Variants in CPNE4 observed in about 807,000 individuals in gnomAD.
CPNE4 encodes copine 4, also known as copine-4.
In CPNE4, 25 loss-of-function variants were observed where a neutral mutation model predicts 67.9. That is an observed-to-expected ratio of 0.37 (90% CI 0.27 to 0.51). The LOEUF (loss-of-function observed/expected upper bound fraction) is 0.51. Among genes scored for constraint, CPNE4 ranks in the 20% least tolerant of loss-of-function variants. The probability of loss-of-function intolerance (pLI) is 0.93; values close to 1 mark genes in which losing one functional copy is unlikely to be tolerated. For missense variants in CPNE4, 464 were observed against 690.8 expected, an observed-to-expected ratio of 0.67 and a Z score of 3.68; for synonymous variants, 242 against 244.9, an observed-to-expected ratio of 0.99 and a Z score of 0.11.
rs567005693 is a variant in CPNE4, at chr3:131,999,115, C to T, written c.-2+35452G>A. The stretch of plus-strand genomic sequence containing the variant: ...ATTTCATACACAGAAAATAGCATTC[C>T]GGACAAAAGAAAGAACTAGTGCAGA... On this transcript the variant is annotated intron_variant, in intron 1 of 15. Transcript: ENST00000429747. 1.5e-4 allele frequency among the ~76,000 whole-genome samples: 22 copies of T among 151,558 alleles called. No individual in the cohort carries two copies. The South Asian group carries it at 3.8e-3, about 26-fold the overall frequency.
chr3:132,031,328 G>A (rs1487915844), intron 1 of CPNE4, among the ~76,000 whole-genome samples: 1 of 152,076 alleles, frequency 6.6e-6, no homozygotes, highest in Non-Finnish European at 1.5e-5. Context: ...AAAGGTTTTT[G>A]TTTTTCTTTT....
chr3:132,033,860 G>C (rs1038976915), intron 1 of CPNE4, among the ~76,000 whole-genome samples: 2 of 152,124 alleles, frequency 1.3e-5, no homozygotes, highest in African/African-American at 2.4e-5. Context: ...GATACCACGC[G>C]GGGTCGTGAT....
chr3:131,695,348 G>A (rs538414411), intron 5 of CPNE4, among the ~76,000 whole-genome samples: 3 of 152,292 alleles, frequency 2.0e-5, no homozygotes, highest in East Asian at 1.9e-4. Flanking sequence ...TCAATTCTAT[G>A]AGCAAGTGTT....
chr3:132,033,892 G>A (rs994444772), intron 1 of CPNE4, among the ~76,000 whole-genome samples: 1 of 152,170 alleles, frequency 6.6e-6, no homozygotes, highest in Non-Finnish European at 1.5e-5. Context: ...GCTGTGGCTT[G>A]GTTTCAGTGG....
intron 1 of CPNE4, among the ~76,000 whole-genome samples, chr3:131,952,183 G>A (rs867738166): frequency 1.4e-4 from 21 of 145,446 alleles, no homozygotes; most frequent in South Asian, 4.5e-4. Flanking sequence ...GCCGCCCATC[G>A]TCTGAGATGT....
At position 132,022,292 on chromosome 3, in the gene CPNE4, A is replaced by T. The variant is rs2074015624; in HGVS notation, c.-2+12275T>A. 5.9e-5 allele frequency among the ~76,000 whole-genome samples: 9 copies of T among 152,340 alleles called. No individual in the cohort carries two copies. In the South Asian group the frequency reaches 1.9e-3, roughly 32 times the overall value. Reference sequence around the variant, plus strand: ...GCAGCCCTAGCAATCTGTGAAACCAACAGGGTTCATCATTCAGAGTGAGAA... The same window carrying T: ...GCAGCCCTAGCAATCTGTGAAACCATCAGGGTTCATCATTCAGAGTGAGAA... On this transcript the variant is annotated intron_variant, in intron 1 of 15. Transcript: ENST00000429747.
chr3:131,739,685 G>A (rs2082314888), intron 2 of CPNE4, among the ~76,000 whole-genome samples: 1 of 152,220 alleles, frequency 6.6e-6, no homozygotes. Flanking sequence ...GAAAGAAGAT[G>A]ACATTTCTTG....
intron 7 of CPNE4, among the ~76,000 whole-genome samples, chr3:131,601,193 C>T (rs1939185789): frequency 6.6e-6 from 1 of 151,586 alleles, no homozygotes; most frequent in African/African-American, 2.4e-5. Context: ...TTTGGCTACC[C>T]AGTTCATTCA....
intron 2 of CPNE4, among the ~76,000 whole-genome samples, chr3:131,816,347 T>C (rs1047823112): frequency 1.3e-5 from 2 of 152,228 alleles, no homozygotes; most frequent in Non-Finnish European, 2.9e-5. Flanking sequence ...TTATTGTTGT[T>C]ACTTTCCTTG....
At chr3:131,990,358 T>A (rs1200462414) in intron 1 of CPNE4, among the ~76,000 whole-genome samples, 2 of 136,360 alleles carry the variant, frequency 1.5e-5, no homozygotes, top group African/African-American at 4.9e-5. Flanking sequence ...TCTAGCCAAT[T>A]TTTTAGTGCC....
chr3:131,684,835 T>C (rs1047915853), intron 6 of CPNE4, among the ~76,000 whole-genome samples: 2 of 151,966 alleles, frequency 1.3e-5, no homozygotes, highest in African/African-American at 4.8e-5. Context: ...AAATGAAAAA[T>C]GGAGATCGTG....
At chr3:132,011,424 A>C (rs1056631410) in intron 1 of CPNE4, among the ~76,000 whole-genome samples, 1 of 152,140 alleles carries the variant, frequency 6.6e-6, no homozygotes, top group Non-Finnish European at 1.5e-5. Context: ...GGCCCTTTTA[A>C]TGATGGAAAG....
At chr3:131,984,967 C>A (rs935249461) in intron 1 of CPNE4, among the ~76,000 whole-genome samples, 2 of 152,106 alleles carry the variant, frequency 1.3e-5, no homozygotes, top group African/African-American at 4.8e-5. Context: ...CTGGGGTGAC[C>A]TCTGTCTTAT....
chr3:131,923,881 C>T (rs1306299478), intron 1 of CPNE4, among the ~76,000 whole-genome samples: 1 of 151,924 alleles, frequency 6.6e-6, no homozygotes, highest in Non-Finnish European at 1.5e-5. Context: ...TCTAATCCTC[C>T]TCTCTCCACC....
chr3:131,951,852 C>T (rs1014535594), intron 1 of CPNE4, among the ~76,000 whole-genome samples: 8 of 151,706 alleles, frequency 5.3e-5, no homozygotes, highest in East Asian at 1.9e-4. Context: ...GACGGAGTCT[C>T]GTTCACTCAG....
At chr3:131,863,223 C>G (rs1031226636) in intron 2 of CPNE4, among the ~76,000 whole-genome samples, 1 of 152,120 alleles carries the variant, frequency 6.6e-6, no homozygotes, top group African/African-American at 2.4e-5. Flanking sequence ...GGTACATACC[C>G]AGTAATGGGA....
chr3:131,799,782 C>T (rs369321901), intron 2 of CPNE4, among the ~76,000 whole-genome samples: 29 of 152,176 alleles, frequency 1.9e-4, no homozygotes, highest in South Asian at 1.2e-3. Flanking sequence ...GGGTTAGTAA[C>T]GAAGTGGCCA....
intron 2 of CPNE4, among the ~76,000 whole-genome samples, chr3:131,777,715 G>T (rs1485519553): frequency 6.6e-6 from 1 of 152,038 alleles, no homozygotes; most frequent in Non-Finnish European, 1.5e-5. Context: ...ACTACACTTT[G>T]AATATTTCAA....
chr3:131,938,748 C>G (rs2071299257), intron 1 of CPNE4, among the ~76,000 whole-genome samples: 1 of 152,060 alleles, frequency 6.6e-6, no homozygotes, highest in South Asian at 2.1e-4. Context: ...TCACCTCCCA[C>G]CAAGTCCCTC....
Sources: allele counts gnomAD v4.1 joint callset (sites outside exome capture counted in the v4.1 genomes callset), GRCh38; gene constraint gnomAD v4.1.1; transcripts MANE v1.5; gene names NCBI Gene and HGNC (gene_info 2026-07-23, HGNC 2026-07-21).